The following ELF2 variants were observed in gnomAD, a reference collection of about 807,000 sequenced individuals.
ELF2 encodes the protein ETS-related transcription factor Elf-2.
Under a neutral mutation model 54.8 loss-of-function variants are expected in ELF2, and 11 were observed. That is an observed-to-expected ratio of 0.20 (90% CI 0.13 to 0.33). The LOEUF (loss-of-function observed/expected upper bound fraction) is 0.33, where lower values mean the gene tolerates loss of function less well. Ranked by LOEUF, ELF2 falls within the 10% of genes least tolerant of loss-of-function variation. The pLI, the probability that ELF2 is intolerant of heterozygous loss-of-function variation, is 1.00. For missense variants in ELF2, 513 were observed against 703.0 expected (o/e 0.73, Z 3.06); for synonymous variants, 203 against 245.1 (o/e 0.83, Z 1.61).
chr4:139,100,689 T>A (rs1412293186), intron 4 of ELF2: 1 of 152,090 alleles, frequency 6.6e-6, no homozygotes, highest in African/African-American at 2.4e-5. Context: ...ACTGCATCCA[T>A]TGAAATACAG....
chr4:139,169,126 T>A (rs567763328), intron 1 of ELF2, among the ~76,000 whole-genome samples: 2 of 151,718 alleles, frequency 1.3e-5, no homozygotes, highest in African/African-American at 4.8e-5. Flanking sequence ...GGCAGGCAGA[T>A]CACTTGAGGT....
At chr4:139,141,359 T>C (rs973208647) in intron 1 of ELF2, among the ~76,000 whole-genome samples, 1 of 152,180 alleles carries the variant, frequency 6.6e-6, no homozygotes, top group Non-Finnish European at 1.5e-5. Context: ...TCCTTTTCTC[T>C]TCCCACTTTT....
At position 139,071,847 on chromosome 4, in the gene ELF2, A is replaced by C. The variant is rs914859520; in HGVS notation, c.526+19T>G. On this transcript the variant is annotated intron_variant, in intron 6 of 9. Coordinates refer to ENST00000686138, the MANE Select transcript of ELF2 (RefSeq NM_001331036.3). ...AAAATTTTCACCTGCCTTCTCAGAA[A>C]TGTATAAATATACTCTACCTTTTTT... The C allele has an allele frequency of 4.5e-6, 7 of 1,558,972 alleles. No individual in the cohort carries two copies. The African/African-American group carries it at 9.8e-5, about 22-fold the overall frequency.
Position 139,125,222 on chromosome 4 carries a change from A to C in ELF2, c.180T>G (p.Thr60=). The change falls in exon 4 of 10, where the codon ACT becomes ACG. Residue 60 remains threonine (T), a synonymous_variant. Transcript: ENST00000686138. ...CTTCTGCCACATCTTGCATCATATAAGTCTCATCATCATAAACCAGAACCT... is the reference window on the plus strand; with the variant it reads ...CTTCTGCCACATCTTGCATCATATACGTCTCATCATCATAAACCAGAACCT... The part of the protein sequence containing the change: ...AAQVLVYDDE[T]YMMQDVAEEQ... 1.9e-6 allele frequency: 3 copies of C among 1,613,896 alleles called. No individual in the cohort carries two copies. The highest frequency in any genetic ancestry group is 2.5e-6 in the Non-Finnish European group (3 of 1,179,944).
At chr4:139,061,752 T>C in intron 8 of ELF2, 113 bp downstream of exon 8, 1 of 1,239,866 alleles carries the variant, frequency 8.1e-7, no homozygotes, top group Non-Finnish European at 1.1e-6. Context: ...TCCTCTAGAA[T>C]ATCCCCCAAA....
At chr4:139,095,930 G>A (rs1263008558) in intron 4 of ELF2, among the ~76,000 whole-genome samples, 1 of 152,086 alleles carries the variant, frequency 6.6e-6, no homozygotes, top group Non-Finnish European at 1.5e-5. Flanking sequence ...TGTAGAAACA[G>A]TGAAACCCCG....
At chr4:139,063,087 A>AT (rs1347369253) in intron 7 of ELF2, among the ~76,000 whole-genome samples, 11 of 152,068 alleles carry the variant, frequency 7.2e-5, no homozygotes, top group Admixed American at 5.2e-4. Flanking sequence ...GTGAAACCCC[A>AT]TCTCTACTAA....
intron 7 of ELF2, 151 bp downstream of exon 7, chr4:139,067,533 C>T (rs553131467): frequency 1.0e-5 from 7 of 698,492 alleles, no homozygotes; most frequent in East Asian, 2.7e-5. Flanking sequence ...AAGCTCCCCA[C>T]GTGATGCTGA....
chr4:139,057,738 G>A lies in ELF2; in HGVS notation c.*1245C>T, dbSNP rs1727235810. 2.0e-5 allele frequency: 3 copies of A among 152,348 alleles called. No individual in the cohort carries two copies. The South Asian group carries it at 6.2e-4, about 32-fold the overall frequency. 9.4% of individuals were successfully genotyped at this position (152,348 alleles called of 1,614,324 possible). On this transcript the variant is annotated 3_prime_UTR_variant, in exon 10 of 10. Transcript: ENST00000686138. ...TTTGCCAAATATTAATATAATGGAA[G>A]TAGAATTTCTTCATGCAGTAGTTGG...
chr4:139,157,377 A>C (rs1432368592), intron 1 of ELF2, among the ~76,000 whole-genome samples: 2 of 152,144 alleles, frequency 1.3e-5, no homozygotes, highest in East Asian at 3.9e-4. Flanking sequence ...GAACTTAGAT[A>C]ACTTGTGACA....
chr4:139,177,785 G>A (rs1743128615), upstream of ELF2, among the ~76,000 whole-genome samples: 2 of 152,154 alleles, frequency 1.3e-5, no homozygotes, highest in African/African-American at 4.8e-5. Flanking sequence ...CCCCAACTCA[G>A]GACTCTCGCC....
chr4:139,093,740 C>T (rs926732068), intron 4 of ELF2, among the ~76,000 whole-genome samples: 3 of 152,058 alleles, frequency 2.0e-5, no homozygotes, highest in Non-Finnish European at 2.9e-5. Flanking sequence ...AATTGCTTAA[C>T]GTGGTATACA....
chr4:139,121,178 G>A (rs553212021), intron 4 of ELF2, among the ~76,000 whole-genome samples: 141 of 135,442 alleles, frequency 1.0e-3, no homozygotes, highest in Non-Finnish European at 1.8e-3. Context: ...GCGCGATCTC[G>A]GCTCACTGCA....
chr4:139,067,638 C>A (rs1369387438), intron 7 of ELF2, 46 bp downstream of exon 7: 1 of 1,591,376 alleles, frequency 6.3e-7, no homozygotes, highest in East Asian at 2.2e-5. Context: ...TGTCACCTAA[C>A]TGAAAAAAAA....
At chr4:139,155,313 G>T (rs375489896) in intron 1 of ELF2, 1 of 152,128 alleles carries the variant, frequency 6.6e-6, no homozygotes, top group Non-Finnish European at 1.5e-5. Context: ...TCACCAGGTC[G>T]CCTAAGAAGA....
chr4:139,069,232 G>A (rs1157751097), intron 6 of ELF2, among the ~76,000 whole-genome samples: 1 of 152,120 alleles, frequency 6.6e-6, no homozygotes, highest in African/African-American at 2.4e-5. Context: ...GATTTCTGAT[G>A]TCACTCTATT....
At position 139,139,427 on chromosome 4, in the gene ELF2, G is replaced by T; in HGVS notation, c.-181C>A. ...ATTTTACTTACAGTTTGTATGTTAA[G>T]TAGTCTAAGCATCCTTCACTATTTT... On this transcript the variant is annotated 5_prime_UTR_variant, in exon 2 of 10. Transcript: ENST00000686138. 1 of 1,229,048 alleles carries T rather than the reference G, an allele frequency of 8.1e-7. No individual in the cohort carries two copies. 76.1% of individuals were successfully genotyped at this position (1,229,048 alleles called of 1,614,324 possible).
chr4:139,126,895 T>C (rs7654349), intron 3 of ELF2, among the ~76,000 whole-genome samples: 27,951 of 152,014 alleles, frequency 0.18, 2,768 homozygotes, highest in South Asian at 0.32. Context: ...GAGATCAACA[T>C]AGGAGAGAAA....
intron 1 of ELF2, among the ~76,000 whole-genome samples, chr4:139,160,626 G>A (rs1741033380): frequency 6.6e-6 from 1 of 152,156 alleles, no homozygotes; most frequent in Admixed American, 6.6e-5. Flanking sequence ...AAGAAACACT[G>A]ACCCTGTCTT....
Sources: gnomAD v4.1 joint callset for allele counts (sites outside exome capture counted in the v4.1 genomes callset) on GRCh38, gnomAD v4.1.1 for gene constraint, MANE v1.5 for transcripts, NCBI Gene and HGNC (gene_info 2026-07-23, HGNC 2026-07-21) for gene names.